PKIB: variants seen among roughly 807,000 people sequenced by gnomAD.
The protein encoded by PKIB is cAMP-dependent protein kinase inhibitor beta.
A neutral mutation model predicts 4.5 loss-of-function variants in PKIB; 2 were observed. The ratio of observed to expected loss-of-function variants is 0.44; its 90% CI spans 0.18 to 1.39. The LOEUF (loss-of-function observed/expected upper bound fraction) is 1.39, where lower values mean the gene tolerates loss of function less well. Among genes scored for constraint, PKIB ranks in the 40% most tolerant of loss-of-function variants. The probability of loss-of-function intolerance (pLI) is 0.27; values close to 1 mark genes in which losing one functional copy is unlikely to be tolerated. For synonymous variants in PKIB, 38 were observed against 36.0 expected (o/e 1.06, Z -0.20); for missense variants, 94 against 92.6 (o/e 1.02, Z -0.06).
At chr6:122,535,578 CTT>C (rs1289690398) in intron 2 of PKIB, among the ~76,000 whole-genome samples, 1 of 152,170 alleles carries the variant, frequency 6.6e-6, no homozygotes, top group Non-Finnish European at 1.5e-5. Context: ...CCTTCTTCCT[CTT>C]TTGAGGCTCT....
chr6:122,554,828 C>T (rs1488006736), intron 2 of PKIB, among the ~76,000 whole-genome samples: 1 of 152,074 alleles, frequency 6.6e-6, no homozygotes. Context: ...TAAGTGACCT[C>T]TAAAAAATCA....
In PKIB at chr6:122,725,225, T is replaced by A. The variant is rs1562322639; in HGVS notation, c.*30T>A. 1.3e-6 allele frequency: 2 copies of A among 1,559,184 alleles called. No individual in the cohort carries two copies. The highest frequency in any genetic ancestry group is 1.8e-6 in the Non-Finnish European group (2 of 1,142,056). ...TCATAATCTATCAAGAGTGCTGAAT[T>A]TCTGCATGTTGAAAGACTTAGTGGT... On this transcript the variant is annotated 3_prime_UTR_variant, in exon 5 of 5. Coordinates refer to ENST00000368452, the MANE Select transcript of PKIB (RefSeq NM_181795.3).
intron 2 of PKIB, among the ~76,000 whole-genome samples, chr6:122,641,153 A>G (rs1450451904): frequency 2.0e-5 from 3 of 152,212 alleles, no homozygotes; most frequent in Non-Finnish European, 2.9e-5. Context: ...TATTTATACA[A>G]CCATTCCAAT....
At chr6:122,540,451 A>T (rs1777558583) in intron 2 of PKIB, among the ~76,000 whole-genome samples, 1 of 151,952 alleles carries the variant, frequency 6.6e-6, no homozygotes, top group Admixed American at 6.6e-5. Context: ...CAGTAGTCAT[A>T]CAGGAGCAGG....
At position 122,509,167 on chromosome 6, in the gene PKIB, A is replaced by G. The variant is rs58558935; in HGVS notation, c.-248+31228A>G. On this transcript the variant is annotated intron_variant, in intron 2 of 6. Coordinates refer to the PKIB transcript ENST00000392491. ...ATGTCGCTTTTTCAGTACTAGAGCC[A>G]TTAGTAAAAACAGTTACAGTTCCTT... Among the ~76,000 whole-genome samples, 770 of 152,310 alleles carry G rather than the reference A, an allele frequency of 5.1e-3. 5 individuals carry two copies. The highest frequency in any genetic ancestry group is 0.017 in the African/African-American group (718 of 41,574).
At chr6:122,624,690 A>G (rs1308829283) in intron 1 of PKIB, among the ~76,000 whole-genome samples, 1 of 152,222 alleles carries the variant, frequency 6.6e-6, no homozygotes, top group African/African-American at 2.4e-5. Context: ...AGGCACCATG[A>G]TGTGTAGTGG....
intron 3 of PKIB, among the ~76,000 whole-genome samples, chr6:122,599,357 T>G (rs961939461): frequency 6.6e-6 from 1 of 152,202 alleles, no homozygotes; most frequent in Non-Finnish European, 1.5e-5. Flanking sequence ...CCATTCCAAG[T>G]TGCAGGGTCC....
intron 3 of PKIB, among the ~76,000 whole-genome samples, chr6:122,686,604 C>G (rs1479961917): frequency 6.6e-6 from 1 of 151,744 alleles, no homozygotes; most frequent in Admixed American, 6.6e-5. Flanking sequence ...CTCAAGCAGT[C>G]CCCCCACCTC....
At chr6:122,518,567 C>T (rs1184810600) in intron 2 of PKIB, among the ~76,000 whole-genome samples, 1 of 151,764 alleles carries the variant, frequency 6.6e-6, no homozygotes, top group Non-Finnish European at 1.5e-5. Context: ...GGCAGAGTGG[C>T]AATGGGAGAG....
At chr6:122,699,324 A>G (rs1243157628) in intron 3 of PKIB, among the ~76,000 whole-genome samples, 1 of 152,198 alleles carries the variant, frequency 6.6e-6, no homozygotes, top group Non-Finnish European at 1.5e-5. Flanking sequence ...AGGTAAAAGC[A>G]AACTGTGACT....
At chr6:122,608,570 T>C (rs1030003058), upstream of PKIB, among the ~76,000 whole-genome samples, 3 of 152,250 alleles carry the variant, frequency 2.0e-5, no homozygotes, top group African/African-American at 7.2e-5. Context: ...AAGCATTCTA[T>C]AAATAGTGTT....
At chr6:122,522,082 T>C (rs1228779955) in intron 2 of PKIB, among the ~76,000 whole-genome samples, 3 of 152,220 alleles carry the variant, frequency 2.0e-5, no homozygotes, top group Admixed American at 1.3e-4. Flanking sequence ...CACTTGAATT[T>C]GCTTTTTGTC....
At chr6:122,566,742 C>A (rs1176674491) in intron 2 of PKIB, among the ~76,000 whole-genome samples, 1 of 151,930 alleles carries the variant, frequency 6.6e-6, no homozygotes, top group African/African-American at 2.4e-5. Context: ...ACTTTAATAG[C>A]AAAACTTCAT....
rs535191873 is a variant in PKIB at position 122,681,643 on chromosome 6, A to G, written c.-9+6499A>G. Among the ~76,000 whole-genome samples the G allele has an allele frequency of 3.3e-5, 5 of 152,338 alleles. No homozygotes were observed. The East Asian group carries it at 5.8e-4, about 18-fold the overall frequency. ...AGAAAAAACAAAACTTGGAAATGGCAACTATAAAGATCAATATGTCACCAT... is the reference window on the plus strand; with the variant it reads ...AGAAAAAACAAAACTTGGAAATGGCGACTATAAAGATCAATATGTCACCAT... On this transcript the variant is annotated intron_variant, in intron 3 of 4. Coordinates refer to ENST00000368452, the MANE Select transcript of PKIB (RefSeq NM_181795.3).
intron 3 of PKIB, among the ~76,000 whole-genome samples, chr6:122,587,288 A>G (rs1201325091): frequency 6.6e-6 from 1 of 151,728 alleles, no homozygotes; most frequent in Non-Finnish European, 1.5e-5. Flanking sequence ...TTGGTTTTTT[A>G]TCCTTGCGAT....
At chr6:122,684,750 T>C (rs7452823) in intron 3 of PKIB, among the ~76,000 whole-genome samples, 53,955 of 152,026 alleles carry the variant, frequency 0.35, 9,891 homozygotes, top group African/African-American at 0.4. Context: ...GATTAAAATT[T>C]CTTCTAGCTC....
intron 2 of PKIB, among the ~76,000 whole-genome samples, chr6:122,653,157 C>T (rs1260317216): frequency 6.6e-6 from 1 of 152,148 alleles, no homozygotes; most frequent in Non-Finnish European, 1.5e-5. Flanking sequence ...GATAGCTGAG[C>T]TTTCTCAGTC....
At chr6:122,704,027 A>G (rs1343237374) in intron 3 of PKIB, among the ~76,000 whole-genome samples, 5 of 151,626 alleles carry the variant, frequency 3.3e-5, no homozygotes, top group East Asian at 1.9e-4. Flanking sequence ...TTGGCAAGCT[A>G]GAGACTCAGG....
intron 3 of PKIB, among the ~76,000 whole-genome samples, chr6:122,707,151 T>C (rs1234372851): frequency 6.6e-6 from 1 of 152,102 alleles, no homozygotes; most frequent in African/African-American, 2.4e-5. Flanking sequence ...AAAAAATATT[T>C]CAATTAGATG....
Sources: allele counts gnomAD v4.1 joint callset (sites outside exome capture counted in the v4.1 genomes callset), GRCh38; gene constraint gnomAD v4.1.1; transcripts MANE v1.5; gene names NCBI Gene and HGNC (gene_info 2026-07-23, HGNC 2026-07-21).